GPAM: variants seen among roughly 807,000 people sequenced by gnomAD.
The protein encoded by GPAM is glycerol-3-phosphate acyltransferase, mitochondrial.
In GPAM, 56 loss-of-function variants were observed where a neutral mutation model predicts 105.0. The observed-to-expected ratio is 0.53, with a 90% CI of 0.43 to 0.67. The LOEUF is 0.67. Ranked by LOEUF, GPAM falls within the 30% of genes least tolerant of loss-of-function variation. The pLI, the probability that GPAM is intolerant of heterozygous loss-of-function variation, is 0.00. For synonymous variants in GPAM, 368 were observed against 354.4 expected, an observed-to-expected ratio of 1.04 and a Z score of -0.43; for missense variants, 855 against 989.8, an observed-to-expected ratio of 0.86 and a Z score of 1.83.
Position 112,163,830 on chromosome 10 carries a change from C to G in GPAM, c.1308-14G>C, listed in dbSNP as rs973825897. ...GCATCACTGGGTCTAAAAAGTGTTT[C>G]AAAAATCAACACACAACCGCACTCT... is the stretch of plus-strand genomic sequence containing the variant. On this transcript the variant is annotated splice_polypyrimidine_tract_variant and intron_variant, in intron 13 of 21. Transcript: ENST00000348367. The G allele has an allele frequency of 3.2e-6, 4 of 1,242,038 alleles. No homozygotes were observed. The highest frequency in any genetic ancestry group is 1.8e-4 in the Middle Eastern group (1 of 5,412). The allele number at this position is 1,242,038 out of a possible 1,614,324, so 76.9% of individuals were successfully genotyped here.
At chr10:112,180,429 AT>A (rs1190814498) in intron 4 of GPAM, 43 bp downstream of exon 4, 2 of 1,603,352 alleles carry the variant, frequency 1.2e-6, no homozygotes, top group African/African-American at 2.7e-5. Flanking sequence ...TGGAAATAAT[AT>A]TTTATGCTGA....
chr10:112,157,284 C>T lies in GPAM; in HGVS notation c.2086G>A (p.Asp696Asn). 6.2e-7 allele frequency: 1 copy of T among 1,613,990 alleles called. No homozygotes were observed. The highest frequency in any genetic ancestry group is 8.5e-7 in the Non-Finnish European group (1 of 1,179,826). Residue 696 changes from aspartate to asparagine, a missense_variant, in exon 19 of 22, where the codon GAC becomes AAC. Transcript: ENST00000348367. ...CAATCTCGCTGTTCCTCCCCAAAGTCACTGTCTTCATCTTCTTCATCACTT... is the reference window on the plus strand; with the variant it reads ...CAATCTCGCTGTTCCTCCCCAAAGTTACTGTCTTCATCTTCTTCATCACTT... The part of the protein sequence containing the change: ...WRSDEEDEDS[D>N]FGEEQRDCYL...
At chr10:112,168,162 T>A in intron 11 of GPAM, 150 bp downstream of exon 11, 1 of 668,436 alleles carries the variant, frequency 1.5e-6, no homozygotes, top group Middle Eastern at 4.0e-4. Flanking sequence ...TGAAAGCTAC[T>A]CACCATGCCC....
chr10:112,154,535 G>A, intron 21 of GPAM, 94 bp downstream of exon 21: 3 of 921,392 alleles, frequency 3.3e-6, no homozygotes, highest in East Asian at 5.0e-5. Context: ...GCTTCTCTCG[G>A]GGTCCACCCC....
At chr10:112,169,180 A>G (rs1281485672) in intron 9 of GPAM, among the ~76,000 whole-genome samples, 6 of 152,132 alleles carry the variant, frequency 3.9e-5, no homozygotes, top group Non-Finnish European at 8.8e-5. Context: ...ATGAGCCTCT[A>G]TTATATCTGT....
At chr10:112,173,176 C>G (rs941458318) in intron 7 of GPAM, 110 bp from the exon 8 acceptor site, 6 of 730,166 alleles carry the variant, frequency 8.2e-6, no homozygotes, top group Non-Finnish European at 1.5e-5. Context: ...CCTACAACCT[C>G]AAAGTACTTG....
At chr10:112,167,990 C>T (rs1051651807) in intron 11 of GPAM, among the ~76,000 whole-genome samples, 3 of 152,132 alleles carry the variant, frequency 2.0e-5, no homozygotes, top group Admixed American at 6.5e-5. Flanking sequence ...GAGAACAAAC[C>T]GCAGATAACC....
intron 7 of GPAM, among the ~76,000 whole-genome samples, chr10:112,173,463 G>T (rs960996188): frequency 6.6e-6 from 1 of 152,194 alleles, no homozygotes; most frequent in African/African-American, 2.4e-5. Flanking sequence ...GCAGATGTTA[G>T]TAGTAATACA....
At chr10:112,213,429 C>T (rs1458063159) in intron 1 of GPAM, among the ~76,000 whole-genome samples, 1 of 152,130 alleles carries the variant, frequency 6.6e-6, no homozygotes, top group Non-Finnish European at 1.5e-5. Flanking sequence ...ATAGAAAACA[C>T]TCCATCAATG....
chr10:112,169,896 T>C (rs1022919873), intron 9 of GPAM, among the ~76,000 whole-genome samples: 7 of 152,178 alleles, frequency 4.6e-5, no homozygotes, highest in Non-Finnish European at 1.0e-4. Context: ...GCAAATCCTA[T>C]TGTGAACTGC....
chr10:112,182,685 G>T (rs1427421898), intron 2 of GPAM, 109 bp downstream of exon 2: 1 of 152,182 alleles, frequency 6.6e-6, no homozygotes, highest in Non-Finnish European at 1.5e-5. Context: ...ATCCCCACAT[G>T]GGTTGGCTAC....
chr10:112,190,422 T>A (rs1280123580), intron 1 of GPAM, among the ~76,000 whole-genome samples: 1 of 151,562 alleles, frequency 6.6e-6, no homozygotes. Context: ...AGAGAATCAC[T>A]TGAACCCAGG....
At chr10:112,175,228 A>T (rs1414432253) in intron 6 of GPAM, among the ~76,000 whole-genome samples, 1 of 152,214 alleles carries the variant, frequency 6.6e-6, no homozygotes, top group African/African-American at 2.4e-5. Context: ...ACTGGCAAAA[A>T]TATCAAACTC....
upstream of GPAM, among the ~76,000 whole-genome samples, chr10:112,218,810 G>A (rs1220789583): frequency 1.3e-5 from 2 of 152,196 alleles, no homozygotes; most frequent in African/African-American, 4.8e-5. Flanking sequence ...AAATGCCTTC[G>A]CATTTGTAAA....
At chr10:112,178,193 A>T (rs893157697) in intron 4 of GPAM, 136 bp from the exon 5 acceptor site, 85 of 617,028 alleles carry the variant, frequency 1.4e-4, no homozygotes, top group South Asian at 4.0e-4. Context: ...GGAAGAAAAA[A>T]GTTTTATTGA....
rs756343573 is a variant in GPAM, at chr10:112,151,642, T to C, written c.*1908A>G. 3.2e-5 allele frequency: 32 copies of C among 985,374 alleles called. No homozygotes were observed. Among genetic ancestry groups the C allele is most frequent in the Non-Finnish European group, 3.9e-5 (32 of 829,918 alleles). 61.0% of individuals were successfully genotyped at this position (985,374 alleles called of 1,614,324 possible). A position where few individuals can be genotyped will look rare whatever the true frequency, so the allele number is the denominator to read the frequency against. On this transcript the variant is annotated 3_prime_UTR_variant, in exon 22 of 22. Transcript: ENST00000348367. ...GCTTAGGTTGGCAAAGCAGCAGCTC[T>C]TTGCAGCAATGACAGGCAGGGCAGA...
At chr10:112,175,533 C>G in intron 6 of GPAM, 67 bp downstream of exon 6, 4 of 820,172 alleles carry the variant, frequency 4.9e-6, no homozygotes, top group Non-Finnish European at 8.7e-6. Flanking sequence ...CTAAGAATTA[C>G]TTCCCCCTCC....
intron 1 of GPAM, among the ~76,000 whole-genome samples, chr10:112,193,452 T>C (rs1302664097): frequency 2.0e-5 from 3 of 152,220 alleles, no homozygotes; most frequent in Non-Finnish European, 4.4e-5. Context: ...GGCATTGTCC[T>C]AAGATCTAGA....
intron 1 of GPAM, among the ~76,000 whole-genome samples, chr10:112,191,754 T>C (rs1289514145): frequency 1.3e-5 from 2 of 152,100 alleles, no homozygotes; most frequent in African/African-American, 2.4e-5. Flanking sequence ...CAAGCTGGAT[T>C]GTGGGAGGAG....
Sources: allele counts gnomAD v4.1 joint callset (sites outside exome capture counted in the v4.1 genomes callset), GRCh38; gene constraint gnomAD v4.1.1; transcripts MANE v1.5; gene names NCBI Gene and HGNC (gene_info 2026-07-23, HGNC 2026-07-21).